Variants in CMTM4 observed in about 807,000 individuals in gnomAD.
CMTM4 encodes the protein CKLF-like MARVEL transmembrane domain-containing protein 4.
A neutral mutation model predicts 19.0 loss-of-function variants in CMTM4; 8 were observed. The observed-to-expected ratio is 0.42, with a 90% CI of 0.25 to 0.76. The LOEUF is 0.76. Among genes scored for constraint, CMTM4 ranks in the 30% least tolerant of loss-of-function variants. CMTM4 has a pLI of 0.27. For synonymous variants in CMTM4, 106 were observed against 121.1 expected, an observed-to-expected ratio of 0.88 and a Z score of 0.82; for missense variants, 228 against 290.2, an observed-to-expected ratio of 0.79 and a Z score of 1.56.
chr16:66,633,120 T>C (rs1241931936), intron 2 of CMTM4, among the ~76,000 whole-genome samples: 5 of 112,652 alleles, frequency 4.4e-5, no homozygotes, highest in Admixed American at 2.7e-4. Context: ...TATATATAAA[T>C]ATATATATAT....
chr16:66,688,223 G>T (rs2144920750), intron 1 of CMTM4, among the ~76,000 whole-genome samples: 1 of 152,110 alleles, frequency 6.6e-6, no homozygotes, highest in South Asian at 2.1e-4. Flanking sequence ...TTCCCAAAAG[G>T]CTCCACCTCT....
chr16:66,631,192 C>T (rs1486530048), intron 2 of CMTM4, among the ~76,000 whole-genome samples: 3 of 150,050 alleles, frequency 2.0e-5, no homozygotes, highest in Non-Finnish European at 3.0e-5. Context: ...CCCGGCCAGC[C>T]GCCCTGTCCG....
the CMTM4 span, chr16:66,604,998 T>G: frequency 7.1e-7 from 1 of 1,409,958 alleles, no homozygotes; most frequent in Non-Finnish European, 9.2e-7. Context: ...ACTGCGCGGC[T>G]CCTTTCGGAG....
chr16:66,612,971 G>A (rs1182419408), downstream of CMTM4: 4 of 687,536 alleles, frequency 5.8e-6, no homozygotes, highest in East Asian at 1.1e-4. The surrounding 1 kb of genome is among the most constrained non-coding windows in gnomAD (Gnocchi z 6.0). Context: ...TGGGCAGCAG[G>A]TGTTCCATGC....
intron 1 of CMTM4, among the ~76,000 whole-genome samples, chr16:66,677,730 CTCACT>C (rs1192292810): frequency 6.6e-6 from 1 of 151,224 alleles, no homozygotes; most frequent in Non-Finnish European, 1.5e-5. Context: ...GAGACAGAAT[CTCACT>C]CTGTTGCCCA....
At chr16:66,644,974 C>T (rs1248272046) in intron 1 of CMTM4, among the ~76,000 whole-genome samples, 1 of 152,212 alleles carries the variant, frequency 6.6e-6, no homozygotes, top group Non-Finnish European at 1.5e-5. Context: ...GGCATGCAGA[C>T]AGTGATCTCC....
rs2015567152 is a variant in CMTM4, at chr16:66,618,472, T to G, written c.*3586A>C. 7 of 985,374 alleles carry G rather than the reference T, an allele frequency of 7.1e-6. No individual in the cohort carries two copies. The highest frequency in any genetic ancestry group is 8.4e-6 in the Non-Finnish European group (7 of 829,926). The allele number at this position is 985,374 out of a possible 1,614,324, so 61.0% of individuals were successfully genotyped here. A position where few individuals can be genotyped will look rare whatever the true frequency, so the allele number is the denominator to read the frequency against. ...GGTGCTAAGACCAACCCACAGAAAA[T>G]CTGGCACAGAAAGGGATTAGACCTC... is the stretch of plus-strand genomic sequence containing the variant. On this transcript the variant is annotated 3_prime_UTR_variant, in exon 4 of 4. Coordinates refer to ENST00000394106, the MANE Select transcript of CMTM4 (RefSeq NM_181521.3).
chr16:66,606,333 G>A, the CMTM4 span, among the ~76,000 whole-genome samples: 1 of 152,152 alleles, frequency 6.6e-6, no homozygotes, highest in Non-Finnish European at 1.5e-5. Flanking sequence ...TTAGGCTTTG[G>A]GGTGCAGGCA....
rs2015642197 is a variant in CMTM4 at position 66,621,880 on chromosome 16, C to T, written c.*178G>A. The stretch of plus-strand genomic sequence containing the variant: ...CCCAAACGCTGAGGAACGTGGGCCT[C>T]CCAACTCCACCGCGGACCCGCCCAC... On this transcript the variant is annotated 3_prime_UTR_variant, in exon 4 of 4. Transcript: ENST00000394106. 3.5e-6 allele frequency: 5 copies of T among 1,424,280 alleles called. No individual in the cohort carries two copies. Among genetic ancestry groups the T allele is most frequent in the Non-Finnish European group, 3.7e-6 (4 of 1,092,266 alleles). The allele number at this position is 1,424,280 out of a possible 1,614,324, so 88.2% of individuals were successfully genotyped here.
chr16:66,603,288 T>A, the CMTM4 span, among the ~76,000 whole-genome samples: 5 of 147,702 alleles, frequency 3.4e-5, no homozygotes, highest in Non-Finnish European at 6.0e-5. Flanking sequence ...TCTTTATTTA[T>A]TTTTTTTTTT....
chr16:66,639,854 C>T lies in CMTM4; in HGVS notation c.187-3273G>A, dbSNP rs1017603651. On this transcript the variant is annotated intron_variant, in intron 1 of 3. Coordinates refer to ENST00000394106, the MANE Select transcript of CMTM4 (RefSeq NM_181521.3). ...CCAACATGACAAAACTTTGTCTCTACTAAAAATACAAAAATTAGCCAGATG... is the reference window on the plus strand; with the variant it reads ...CCAACATGACAAAACTTTGTCTCTATTAAAAATACAAAAATTAGCCAGATG... Among the ~76,000 whole-genome samples the T allele has an allele frequency of 2.0e-5, 3 of 152,006 alleles. No individual in the cohort carries two copies. In the South Asian group the frequency reaches 6.2e-4, roughly 31 times the overall value.
intron 1 of CMTM4, among the ~76,000 whole-genome samples, chr16:66,667,746 A>T (rs2016625408): frequency 1.3e-5 from 2 of 151,980 alleles, no homozygotes; most frequent in African/African-American, 4.8e-5. Context: ...AAAATTAGCC[A>T]GGTGTTGTGG....
At position 66,621,974 on chromosome 16, in the gene CMTM4, A is replaced by T; in HGVS notation, c.*84T>A. 1 of 1,484,438 alleles carries T rather than the reference A, an allele frequency of 6.7e-7. No homozygotes were observed. The highest frequency in any genetic ancestry group is 1.3e-5 in the South Asian group (1 of 76,570). 92.0% of individuals were successfully genotyped at this position (1,484,438 alleles called of 1,614,324 possible). ...AGAGGACAAAATTCAACTGAATCAC[A>T]TGGAAATCTGACAGGACAAGGGAAA... On this transcript the variant is annotated 3_prime_UTR_variant, in exon 4 of 4. Transcript: ENST00000394106.
intron 1 of CMTM4, among the ~76,000 whole-genome samples, chr16:66,675,486 C>T (rs1330527686): frequency 6.7e-6 from 1 of 149,344 alleles, no homozygotes; most frequent in East Asian, 2.0e-4. Context: ...AACCTGCAGG[C>T]CACCTACAGA....
chr16:66,617,422 C>G lies in CMTM4; in HGVS notation c.*4636G>C. ...TATCCAAATGGAAAAAGAATATATT[C>G]CAGACAAAAGAAGGGAAAATACAAT... On this transcript the variant is annotated 3_prime_UTR_variant, in exon 4 of 4. Coordinates refer to ENST00000394106, the MANE Select transcript of CMTM4 (RefSeq NM_181521.3). 6.4e-7 allele frequency: 1 copy of G among 1,566,918 alleles called. No individual in the cohort carries two copies. The highest frequency in any genetic ancestry group is 1.2e-5 in the South Asian group (1 of 85,710).
chr16:66,628,153 G>A (rs571984345), intron 2 of CMTM4, among the ~76,000 whole-genome samples: 6 of 152,316 alleles, frequency 3.9e-5, no homozygotes, highest in South Asian at 2.1e-4. Context: ...GCCATAGGGC[G>A]GTTTTTCTCC....
In CMTM4 at chr16:66,618,026, G is replaced by A. The variant is rs976905349; in HGVS notation, c.*4032C>T. On this transcript the variant is annotated 3_prime_UTR_variant, in exon 4 of 4. Transcript: ENST00000394106. ...CCACTGCTTCCTCCCTTATCTCCCA[G>A]ACCTGGCCGTGTGTGGACCTCACCA... 145 of 985,510 alleles carry A rather than the reference G, an allele frequency of 1.5e-4. No individual in the cohort carries two copies. The highest frequency in any genetic ancestry group is 1.7e-4 in the Non-Finnish European group (142 of 830,094). 61.0% of individuals were successfully genotyped at this position (985,510 alleles called of 1,614,324 possible). A position where few individuals can be genotyped will look rare whatever the true frequency, so the allele number is the denominator to read the frequency against.
At chr16:66,633,705 C>T (rs1309069876) in intron 2 of CMTM4, among the ~76,000 whole-genome samples, 1 of 151,876 alleles carries the variant, frequency 6.6e-6, no homozygotes, top group Non-Finnish European at 1.5e-5. Flanking sequence ...GTAATCCCAG[C>T]TACTCAGGAG....
rs113491410 is a variant in CMTM4, at chr16:66,640,651, G to A, written c.187-4070C>T. ...TGAGGACAAGGGCAGAAGCCAGGAG[G>A]AGAGTGACAAGACCCTTGCAACAAT... On this transcript the variant is annotated intron_variant, in intron 1 of 3. Coordinates refer to ENST00000394106, the MANE Select transcript of CMTM4 (RefSeq NM_181521.3). Among the ~76,000 whole-genome samples, 2,418 of 152,298 alleles carry A rather than the reference G, an allele frequency of 0.016. 105 individuals are homozygous for A. The East Asian group carries it at 0.16, about 10-fold the overall frequency.
Sources: allele counts gnomAD v4.1 joint callset (sites outside exome capture counted in the v4.1 genomes callset), GRCh38; gene constraint gnomAD v4.1.1; non-coding constraint Gnocchi (gnomAD v3.1); transcripts MANE v1.5; gene names NCBI Gene and HGNC (gene_info 2026-07-23, HGNC 2026-07-21).